SPAG16: variants seen among roughly 807,000 people sequenced by gnomAD.
SPAG16 encodes sperm-associated antigen 16 protein.
A neutral mutation model predicts 80.4 loss-of-function variants in SPAG16; 86 were observed. The observed-to-expected ratio is 1.07, with a 90% confidence interval of 0.90 to 1.28. The LOEUF is 1.28. Among genes scored for constraint, SPAG16 ranks in the 50% most tolerant of loss-of-function variants. The probability of loss-of-function intolerance (pLI) is 0.00; values close to 1 mark genes in which losing one functional copy is unlikely to be tolerated. For synonymous variants in SPAG16, 294 were observed against 265.9 expected, an observed-to-expected ratio of 1.11 and a Z score of -1.03; for missense variants, 870 against 765.3, an observed-to-expected ratio of 1.14 and a Z score of -1.61.
intron 15 of SPAG16, among the ~76,000 whole-genome samples, chr2:214,155,570 G>A (rs1332786855): frequency 6.6e-6 from 1 of 151,968 alleles, no homozygotes; most frequent in East Asian, 1.9e-4. Flanking sequence ...ACTCCTGGGT[G>A]CAAGCAATCT....
intron 11 of SPAG16, among the ~76,000 whole-genome samples, chr2:213,905,776 A>G (rs958573732): frequency 1.3e-5 from 2 of 152,170 alleles, no homozygotes; most frequent in African/African-American, 4.8e-5. Context: ...TGGGAAGATA[A>G]ATTTTAAAGG....
At chr2:213,636,130 G>A (rs954705528) in intron 10 of SPAG16, among the ~76,000 whole-genome samples, 2 of 152,094 alleles carry the variant, frequency 1.3e-5, no homozygotes, top group Non-Finnish European at 2.9e-5. Context: ...TTTTGTATAA[G>A]GTGAGAGATG....
intron 10 of SPAG16, among the ~76,000 whole-genome samples, chr2:213,642,693 C>T (rs1217313954): frequency 3.3e-5 from 2 of 60,110 alleles, no homozygotes; most frequent in East Asian, 4.0e-4. Flanking sequence ...TAGTGGCGGG[C>T]GCCTGTAGTC....
intron 12 of SPAG16, among the ~76,000 whole-genome samples, chr2:213,986,333 C>G (rs1254091909): frequency 6.6e-6 from 1 of 151,906 alleles, no homozygotes; most frequent in African/African-American, 2.4e-5. Context: ...CCGTTTATTT[C>G]AGTTTTTTTC....
chr2:213,524,392 T>C (rs1333272512), intron 10 of SPAG16, among the ~76,000 whole-genome samples: 2 of 152,032 alleles, frequency 1.3e-5, no homozygotes, highest in African/African-American at 4.8e-5. Context: ...AAGAGAAATG[T>C]GGGGTTGGTG....
At chr2:214,359,523 A>G (rs1024500151) in intron 15 of SPAG16, among the ~76,000 whole-genome samples, 5 of 151,926 alleles carry the variant, frequency 3.3e-5, no homozygotes, top group African/African-American at 1.2e-4. Flanking sequence ...TTGGCTTTTC[A>G]AAGAGCATTT....
At chr2:213,990,977 TC>T (rs1274984479) in intron 12 of SPAG16, among the ~76,000 whole-genome samples, 2 of 152,112 alleles carry the variant, frequency 1.3e-5, no homozygotes, top group Non-Finnish European at 2.9e-5. Flanking sequence ...CCCAGTTTCT[TC>T]CTTCTCCAAA....
In SPAG16 at chr2:214,293,989, A is replaced by G. The variant is rs995643253; in HGVS notation, c.1721-116151A>G. ...AGCAGTGGATTTGTTCTTTGGGTGT[A>G]TGAAATGTCTGGCTTCCCTTATCTC... On this transcript the variant is annotated intron_variant, in intron 15 of 15. Coordinates refer to ENST00000331683, the MANE Select transcript of SPAG16 (RefSeq NM_024532.5). Among the ~76,000 whole-genome samples the G allele has an allele frequency of 3.9e-4, 59 of 152,346 alleles. No homozygotes were observed. In the Middle Eastern group the frequency reaches 0.01, roughly 26 times the overall value.
At chr2:213,998,593 T>G (rs1279195045) in intron 12 of SPAG16, among the ~76,000 whole-genome samples, 1 of 151,792 alleles carries the variant, frequency 6.6e-6, no homozygotes, top group African/African-American at 2.4e-5. Context: ...ACCAGTAGAG[T>G]GGGATGTTGC....
At chr2:214,103,324 C>T (rs966507578) in intron 13 of SPAG16, among the ~76,000 whole-genome samples, 1 of 152,168 alleles carries the variant, frequency 6.6e-6, no homozygotes, top group African/African-American at 2.4e-5. Flanking sequence ...AGAGGCTTCT[C>T]CTGCCCAGCT....
At chr2:213,592,581 G>C (rs1351279080) in intron 10 of SPAG16, among the ~76,000 whole-genome samples, 1 of 152,146 alleles carries the variant, frequency 6.6e-6, no homozygotes, top group Non-Finnish European at 1.5e-5. Flanking sequence ...TAACAATCTA[G>C]TAATAGACTA....
At chr2:214,282,410 G>T (rs897981909) in intron 15 of SPAG16, among the ~76,000 whole-genome samples, 1 of 152,010 alleles carries the variant, frequency 6.6e-6, no homozygotes, top group African/African-American at 2.4e-5. Flanking sequence ...GTTCAAATCT[G>T]TCAATTCAGT....
At chr2:213,866,990 A>G (rs2075715192) in intron 11 of SPAG16, among the ~76,000 whole-genome samples, 1 of 135,484 alleles carries the variant, frequency 7.4e-6, no homozygotes, top group African/African-American at 2.5e-5. Context: ...GCAAGTCTTC[A>G]AAATACTGCA....
chr2:213,290,104 G>T (rs73987911), intron 1 of SPAG16, among the ~76,000 whole-genome samples: 2,114 of 152,308 alleles, frequency 0.014, 44 homozygotes, highest in African/African-American at 0.047. Flanking sequence ...GGCAGTTTCA[G>T]TGTGGGTGTT....
At chr2:213,823,027 A>T (rs1399942423) in intron 10 of SPAG16, among the ~76,000 whole-genome samples, 1 of 152,228 alleles carries the variant, frequency 6.6e-6, no homozygotes, top group East Asian at 1.9e-4. Context: ...GTAGTGCTGC[A>T]ATAAACGTAA....
intron 10 of SPAG16, among the ~76,000 whole-genome samples, chr2:213,787,130 G>GGT (rs1277174719): frequency 6.6e-6 from 1 of 152,052 alleles, no homozygotes; most frequent in Non-Finnish European, 1.5e-5. Context: ...TTAATACTGA[G>GGT]GTGATGGGTT....
rs1553640471 is a variant in SPAG16 at position 213,833,456 on chromosome 2, A to ATATATATTATATATAATAATATATATAT, written c.1071-29022_1071-29021insTATATATAATAATATATATATTATATAT. Among the ~76,000 whole-genome samples the ATATATATTATATATAATAATATATATAT allele has an allele frequency of 3.7e-3, 25 of 6,820 alleles. 2 individuals are homozygous for ATATATATTATATATAATAATATATATAT. Among genetic ancestry groups the ATATATATTATATATAATAATATATATAT allele is most frequent in the Non-Finnish European group, 6.1e-3 (21 of 3,438 alleles). 4.5% of individuals were successfully genotyped at this position (6,820 alleles called of 152,430 possible). A position where few individuals can be genotyped will look rare whatever the true frequency, so the allele number is the denominator to read the frequency against. ...ATGTGTGTGTGTATATATATATATT[A>ATATATATTATATATAATAATATATATAT]TATATATATTATATATAATAATATA... On this transcript the variant is annotated intron_variant, in intron 10 of 15. Transcript: ENST00000331683.
intron 9 of SPAG16, among the ~76,000 whole-genome samples, chr2:213,473,875 G>A (rs1458241703): frequency 6.6e-6 from 1 of 152,154 alleles, no homozygotes; most frequent in Non-Finnish European, 1.5e-5. Flanking sequence ...CATCTCTAGG[G>A]GCCTGCCGGG....
At chr2:213,498,035 T>A (rs971653593) in intron 10 of SPAG16, among the ~76,000 whole-genome samples, 1 of 152,182 alleles carries the variant, frequency 6.6e-6, no homozygotes, top group African/African-American at 2.4e-5. Flanking sequence ...GAGAAGATGG[T>A]TTAGAACAAG....
Sources: gnomAD v4.1 joint callset for allele counts (sites outside exome capture counted in the v4.1 genomes callset) on GRCh38, gnomAD v4.1.1 for gene constraint, MANE v1.5 for transcripts, NCBI Gene and HGNC (gene_info 2026-07-23, HGNC 2026-07-21) for gene names.